The following GPC3 variants were observed in gnomAD, a reference collection of about 807,000 sequenced individuals.
GPC3 encodes glypican 3.
A neutral mutation model predicts 34.4 loss-of-function variants in GPC3; 3 were observed. The ratio of observed to expected loss-of-function variants is 0.09; its 90% confidence interval spans 0.04 to 0.23. GPC3 has a LOEUF of 0.23. GPC3 is among the 10% of genes least tolerant of loss of function. GPC3 has a pLI of 1.00. For missense variants in GPC3, 351 were observed against 445.6 expected (o/e 0.79, Z 1.91); for synonymous variants, 177 against 174.0 (o/e 1.02, Z -0.13).
At position 133,722,256 on chromosome X, in the gene GPC3, T is replaced by G. The variant is rs146887432; in HGVS notation, c.1033-22228A>C. Among the ~76,000 whole-genome samples, 4 of 111,734 alleles carry G rather than the reference T, an allele frequency of 3.6e-5. No individual in the cohort carries two copies. In the East Asian group the frequency reaches 1.1e-3, roughly 31 times the overall value. On this transcript the variant is annotated intron_variant, in intron 3 of 7. Coordinates refer to ENST00000370818, the MANE Select transcript of GPC3 (RefSeq NM_004484.4). ...ATACAATTAAGACTTGAGTCTGATT[T>G]AAGATGTTTTTTTCTGGGAATGCAT...
At chrX:133,871,960 A>C (rs370689027) in intron 2 of GPC3, among the ~76,000 whole-genome samples, 28 of 111,311 alleles carry the variant, frequency 2.5e-4, no homozygotes, top group African/African-American at 8.8e-4. Context: ...CCACCTTTTT[A>C]AGAGATAGGG....
chrX:133,686,780 C>CACACACACACAA (rs1204937844), intron 5 of GPC3, among the ~76,000 whole-genome samples: 1 of 109,869 alleles, frequency 9.1e-6, no homozygotes, highest in African/African-American at 3.3e-5. Context: ...CACACACACA[C>CACACACACACAA]ACACACACAC....
chrX:133,608,352 A>G (rs1408309367), intron 6 of GPC3, among the ~76,000 whole-genome samples: 2 of 112,255 alleles, frequency 1.8e-5, no homozygotes, highest in Non-Finnish European at 3.8e-5. Context: ...CTTCAAAGAC[A>G]TCTATGGAAC....
At chrX:133,969,188 G>A (rs1344647094) in intron 1 of GPC3, among the ~76,000 whole-genome samples, 1 of 111,094 alleles carries the variant, frequency 9.0e-6, no homozygotes, top group Non-Finnish European at 1.9e-5. Flanking sequence ...GATGCCTGAG[G>A]AGATTACTAG....
At chrX:133,723,593 C>T (rs965620450) in intron 3 of GPC3, among the ~76,000 whole-genome samples, 29 of 111,107 alleles carry the variant, frequency 2.6e-4, no homozygotes, top group African/African-American at 9.2e-4. Context: ...TCTTGGTGCC[C>T]TCCTCGAGGT....
intron 7 of GPC3, among the ~76,000 whole-genome samples, chrX:133,540,441 G>A (rs2069330725): frequency 8.9e-6 from 1 of 112,463 alleles, no homozygotes; most frequent in Non-Finnish European, 1.9e-5. Context: ...TCTAAGGGAA[G>A]TAACTCAGGA....
intron 3 of GPC3, among the ~76,000 whole-genome samples, chrX:133,714,298 A>G (rs2124449324): frequency 8.9e-6 from 1 of 112,150 alleles, no homozygotes; most frequent in Admixed American, 9.5e-5. Context: ...CAAAAATGTA[A>G]AACAATGGTA....
chrX:133,626,014 A>G (rs2070294893), intron 6 of GPC3, among the ~76,000 whole-genome samples: 1 of 111,711 alleles, frequency 9.0e-6, no homozygotes, highest in Non-Finnish European at 1.9e-5. Context: ...AATATCACAC[A>G]TCTACAACCA....
At chrX:133,750,799 C>A (rs11795800) in intron 3 of GPC3, among the ~76,000 whole-genome samples, 2,201 of 111,026 alleles carry the variant, frequency 0.02, 38 homozygotes, top group Non-Finnish European at 0.029. Flanking sequence ...CATGGCCAGG[C>A]GTGGTGGCTC....
intron 6 of GPC3, among the ~76,000 whole-genome samples, chrX:133,614,949 C>T (rs56079736): frequency 9.9e-5 from 11 of 111,233 alleles, no homozygotes; most frequent in Non-Finnish European, 1.5e-4. Context: ...ATAGCTTAGA[C>T]GAAATAGACA....
At chrX:133,797,975 A>G (rs2124516959) in intron 2 of GPC3, among the ~76,000 whole-genome samples, 1 of 112,045 alleles carries the variant, frequency 8.9e-6, no homozygotes, top group Non-Finnish European at 1.9e-5. Flanking sequence ...AATTATAATA[A>G]GTTTCCTAAA....
At chrX:133,682,633 C>T (rs757134259) in intron 5 of GPC3, among the ~76,000 whole-genome samples, 3 of 111,763 alleles carry the variant, frequency 2.7e-5, no homozygotes, top group Non-Finnish European at 5.6e-5. Context: ...ATTAAATGTC[C>T]TGCCCAAAGC....
At chrX:133,609,549 T>C (rs2070087030) in intron 6 of GPC3, among the ~76,000 whole-genome samples, 1 of 112,487 alleles carries the variant, frequency 8.9e-6, no homozygotes, top group East Asian at 2.8e-4. Context: ...GCTTAGCCAT[T>C]CGCAATTTGA....
At chrX:133,839,036 C>T (rs904008828) in intron 2 of GPC3, among the ~76,000 whole-genome samples, 4 of 111,516 alleles carry the variant, frequency 3.6e-5, no homozygotes, top group Non-Finnish European at 7.5e-5. Flanking sequence ...ACAGTGCTGA[C>T]TGGTTGCTCA....
intron 2 of GPC3, among the ~76,000 whole-genome samples, chrX:133,806,076 G>A (rs1436496604): frequency 8.9e-6 from 1 of 112,192 alleles, no homozygotes; most frequent in African/African-American, 3.2e-5. Context: ...ATTACTTCAT[G>A]CCATTGAAGA....
At chrX:133,892,954 C>T (rs1035875489) in intron 2 of GPC3, among the ~76,000 whole-genome samples, 1 of 111,697 alleles carries the variant, frequency 9.0e-6, no homozygotes, top group Admixed American at 9.6e-5. Flanking sequence ...AGTCATCGCA[C>T]CTTTTTAAGC....
At chrX:133,699,130 T>TG (rs1159050922) in intron 4 of GPC3, among the ~76,000 whole-genome samples, 1 of 111,788 alleles carries the variant, frequency 8.9e-6, no homozygotes, top group African/African-American at 3.3e-5. Flanking sequence ...CTCACGAGAA[T>TG]GGCTTTAACC....
chrX:133,858,011 G>C (rs1280271162), intron 2 of GPC3, among the ~76,000 whole-genome samples: 2 of 111,782 alleles, frequency 1.8e-5, no homozygotes, highest in African/African-American at 6.5e-5. Flanking sequence ...GAGATGGTGT[G>C]GTAAGTGGGA....
At chrX:133,630,137 TTGTG>T (rs905120658) in intron 6 of GPC3, among the ~76,000 whole-genome samples, 1 of 111,671 alleles carries the variant, frequency 9.0e-6, no homozygotes, top group East Asian at 2.8e-4. Flanking sequence ...GGTTTGTGTT[TTGTG>T]TGTGTGTGTT....
Sources: gnomAD v4.1 joint callset for allele counts (sites outside exome capture counted in the v4.1 genomes callset) on GRCh38, gnomAD v4.1.1 for gene constraint, MANE v1.5 for transcripts, NCBI Gene and HGNC (gene_info 2026-07-23, HGNC 2026-07-21) for gene names.